ELF1: variants seen among roughly 807,000 people sequenced by gnomAD.
The protein encoded by ELF1 is E74 like ETS transcription factor 1.
ELF1 carries 24 observed loss-of-function variants against 59.9 expected under a neutral mutation model. The ratio of observed to expected loss-of-function variants is 0.40; its 90% confidence interval spans 0.29 to 0.56. ELF1 has a LOEUF of 0.56. Among genes scored for constraint, ELF1 ranks in the 20% least tolerant of loss-of-function variants. ELF1 has a pLI of 0.44. For synonymous variants in ELF1, 248 were observed against 266.2 expected (o/e 0.93, Z 0.67); for missense variants, 627 against 742.2 (o/e 0.84, Z 1.80).
intron 1 of ELF1, among the ~76,000 whole-genome samples, chr13:41,016,947 AATATATATATATATATAT>A (rs1276103107): frequency 2.4e-4 from 6 of 24,736 alleles, no homozygotes; most frequent in African/African-American, 3.7e-4. Context: ...AAAAAAAAAA[AATATATATATATATATAT>A]ATATATATAT....
intron 1 of ELF1, among the ~76,000 whole-genome samples, chr13:41,000,392 T>C (rs1284005117): frequency 6.6e-6 from 1 of 151,942 alleles, no homozygotes; most frequent in Non-Finnish European, 1.5e-5. Flanking sequence ...GGGCTAATTT[T>C]TGTATTTTTA....
intron 1 of ELF1, among the ~76,000 whole-genome samples, chr13:41,040,977 A>G (rs891795097): frequency 1.3e-5 from 2 of 152,348 alleles, no homozygotes; most frequent in Admixed American, 1.3e-4. Flanking sequence ...AAGAATGACC[A>G]GGAAAACCTA....
intron 1 of ELF1, chr13:40,992,794 G>T: frequency 4.9e-6 from 2 of 406,714 alleles, no homozygotes; most frequent in Non-Finnish European, 4.5e-6. Flanking sequence ...GGGCTGGAGA[G>T]AACTATACAT....
intron 5 of ELF1, among the ~76,000 whole-genome samples, chr13:40,945,210 A>G (rs1045165047): frequency 1.3e-5 from 2 of 152,080 alleles, no homozygotes; most frequent in Non-Finnish European, 1.5e-5. Flanking sequence ...TATTTCCACT[A>G]CTTTCCTCCA....
At chr13:40,955,883 C>G (rs1210054571) in intron 3 of ELF1, among the ~76,000 whole-genome samples, 2 of 140,108 alleles carry the variant, frequency 1.4e-5, no homozygotes. Context: ...GCCAGCCACC[C>G]CATCCAGGAG....
At chr13:41,019,114 T>C (rs1463299049) in intron 1 of ELF1, 114 bp downstream of exon 1, 1 of 861,758 alleles carries the variant, frequency 1.2e-6, no homozygotes, top group East Asian at 1.2e-4. Context: ...ACACACATTT[T>C]ATCAGAGGGT....
intron 1 of ELF1, among the ~76,000 whole-genome samples, chr13:41,004,063 C>G (rs115088906): frequency 1.3e-5 from 2 of 152,024 alleles, no homozygotes; most frequent in African/African-American, 2.4e-5. Context: ...ATTCCCCCAA[C>G]AAGTATTTAT....
At chr13:40,987,367 G>C (rs1164453144) in intron 1 of ELF1, among the ~76,000 whole-genome samples, 1 of 149,864 alleles carries the variant, frequency 6.7e-6, no homozygotes, top group African/African-American at 2.4e-5. Context: ...GATTACCTGA[G>C]GTCAGGAGTT....
In ELF1 at chr13:41,026,245, T is replaced by C. The variant is rs1023997964; in HGVS notation, c.-229+34593A>G. Among the ~76,000 whole-genome samples, 7 of 152,192 alleles carry C rather than the reference T, an allele frequency of 4.6e-5. 1 individual carries two copies. Among genetic ancestry groups the C allele is most frequent in the Non-Finnish European group, 8.8e-5 (6 of 68,030 alleles). On this transcript the variant is annotated intron_variant, in intron 1 of 1. Coordinates refer to the ELF1 transcript ENST00000405737. ...GGGTCTACTGGTGTGAGGCATGTCATGGTATCTCTTCTAGGGTAAAGGATA... is the reference window on the plus strand; with the variant it reads ...GGGTCTACTGGTGTGAGGCATGTCACGGTATCTCTTCTAGGGTAAAGGATA...
chr13:41,055,747 C>T (rs892240171), intron 1 of ELF1, among the ~76,000 whole-genome samples: 3 of 151,540 alleles, frequency 2.0e-5, no homozygotes, highest in Non-Finnish European at 4.4e-5. Context: ...TTCAGTGGTG[C>T]GATCATAGCT....
chr13:40,938,276 G>A (rs1869917853), intron 8 of ELF1, among the ~76,000 whole-genome samples: 2 of 152,166 alleles, frequency 1.3e-5, no homozygotes, highest in African/African-American at 4.8e-5. Flanking sequence ...CTACCATGAA[G>A]CCAGAATCAA....
intron 1 of ELF1, among the ~76,000 whole-genome samples, chr13:41,006,447 G>A (rs1874763558): frequency 6.6e-6 from 1 of 152,094 alleles, no homozygotes; most frequent in Non-Finnish European, 1.5e-5. Context: ...CTAACTGGGG[G>A]GCAGGATGGG....
At chr13:41,012,703 C>T (rs2138369249) in intron 1 of ELF1, among the ~76,000 whole-genome samples, 2 of 151,732 alleles carry the variant, frequency 1.3e-5, no homozygotes, top group South Asian at 4.2e-4. Context: ...GACACCACAC[C>T]TGGCTAACTT....
intron 1 of ELF1, among the ~76,000 whole-genome samples, chr13:40,987,508 C>T (rs1206519560): frequency 6.7e-6 from 1 of 149,126 alleles, no homozygotes; most frequent in Admixed American, 6.6e-5. Context: ...ATTGCTTGAA[C>T]CCAGGAGGCA....
chr13:40,934,567 C>T (rs927275555), intron 8 of ELF1, among the ~76,000 whole-genome samples: 3 of 151,786 alleles, frequency 2.0e-5, no homozygotes, highest in Non-Finnish European at 2.9e-5. Flanking sequence ...ATTATAGTCA[C>T]GTGCCACCAC....
chr13:41,035,578 T>C (rs988174335), intron 1 of ELF1, among the ~76,000 whole-genome samples: 2 of 152,178 alleles, frequency 1.3e-5, no homozygotes, highest in South Asian at 2.1e-4. Context: ...AGGAATCAAG[T>C]CTACAGCAGT....
chr13:40,964,294 G>A (rs183107883), intron 2 of ELF1, among the ~76,000 whole-genome samples: 4 of 152,184 alleles, frequency 2.6e-5, no homozygotes, highest in Non-Finnish European at 5.9e-5. Context: ...AGTTTGCTAC[G>A]GCTGCTGCAA....
In ELF1 at chr13:40,933,307, A is replaced by C. The variant is rs1302628190; in HGVS notation, c.*118T>G. 7.6e-7 allele frequency: 1 copy of C among 1,320,514 alleles called. No homozygotes were observed. The highest frequency in any genetic ancestry group is 2.9e-5 in the Admixed American group (1 of 34,938). 81.8% of individuals were successfully genotyped at this position (1,320,514 alleles called of 1,614,324 possible). A position where few individuals can be genotyped will look rare whatever the true frequency, so the allele number is the denominator to read the frequency against. ...ATCTAACAAAGTCAAAATTAACTCT[A>C]TTTTTAACAATTACAAAATTAGAAA... On this transcript the variant is annotated 3_prime_UTR_variant, in exon 9 of 9. Coordinates refer to ENST00000239882, the MANE Select transcript of ELF1 (RefSeq NM_172373.4).
chr13:40,991,401 T>C (rs144721407), intron 1 of ELF1, among the ~76,000 whole-genome samples: 1 of 152,350 alleles, frequency 6.6e-6, no homozygotes, highest in Non-Finnish European at 1.5e-5. Flanking sequence ...ATTAAAGTTT[T>C]CATGGACACA....
Sources: gnomAD v4.1 joint callset for allele counts (sites outside exome capture counted in the v4.1 genomes callset) on GRCh38, gnomAD v4.1.1 for gene constraint, MANE v1.5 for transcripts, NCBI Gene and HGNC (gene_info 2026-07-23, HGNC 2026-07-21) for gene names.